Variants in HSF2BP observed in about 807,000 individuals in gnomAD.
The protein encoded by HSF2BP is heat shock transcription factor 2 binding protein.
In HSF2BP, 35 loss-of-function variants were observed where a neutral mutation model predicts 35.0. The observed-to-expected ratio is 1.00, with a 90% confidence interval of 0.76 to 1.32. HSF2BP has a LOEUF of 1.32. Among genes scored for constraint, HSF2BP ranks in the 40% most tolerant of loss-of-function variants. The probability of loss-of-function intolerance (pLI) is 0.00; values close to 1 mark genes in which losing one functional copy is unlikely to be tolerated. For synonymous variants in HSF2BP, 114 were observed against 117.4 expected (o/e 0.97, Z 0.18); for missense variants, 326 against 321.7 (o/e 1.01, Z -0.10).
In HSF2BP at chr21:43,613,889, C is replaced by T. The variant is rs199828722; in HGVS notation, c.633G>A (p.Leu211=). 6.2e-6 allele frequency: 10 copies of T among 1,612,264 alleles called. No homozygotes were observed. Among genetic ancestry groups the T allele is most frequent in the Non-Finnish European group, 8.5e-6 (10 of 1,179,684 alleles). ...CTCCCAGAAGCTGCAATATGGTGTC[C>T]AAGAGCACCCGGCTTGAATTAACCA... ...EFLVNSSRVL[L]DTILQLLGDL... Residue 211 remains leucine, a synonymous_variant, in exon 7 of 9, where the codon TTG becomes TTA. Coordinates refer to ENST00000291560, the MANE Select transcript of HSF2BP (RefSeq NM_007031.2).
Position 43,632,687 on chromosome 21 carries a change from T to G in HSF2BP, c.441+585A>C, listed in dbSNP as rs183484009. Among the ~76,000 whole-genome samples, 10 of 152,220 alleles carry G rather than the reference T, an allele frequency of 6.6e-5. No homozygotes were observed. The East Asian group carries it at 1.9e-3, about 29-fold the overall frequency. ...CCTCCTCCTCTTCAGCCTACTCAAT[T>G]TGAAGATGATGAGGGGGAAGACCTT... On this transcript the variant is annotated intron_variant, in intron 5 of 8. Coordinates refer to ENST00000291560, the MANE Select transcript of HSF2BP (RefSeq NM_007031.2).
At chr21:43,655,705 G>C (rs778261690) in intron 3 of HSF2BP, among the ~76,000 whole-genome samples, 5 of 152,174 alleles carry the variant, frequency 3.3e-5, no homozygotes, top group Non-Finnish European at 5.9e-5. Flanking sequence ...CATCTGTAGG[G>C]ATCTACCTCC....
intron 7 of HSF2BP, among the ~76,000 whole-genome samples, chr21:43,604,338 A>C (rs1360615531): frequency 7.8e-6 from 1 of 128,422 alleles, no homozygotes. Flanking sequence ...ACACACACAC[A>C]TCACGCACAC....
intron 4 of HSF2BP, among the ~76,000 whole-genome samples, chr21:43,642,679 T>C (rs2147074119): frequency 6.6e-6 from 1 of 152,194 alleles, no homozygotes; most frequent in East Asian, 1.9e-4. Context: ...TTGGGTAAAA[T>C]ATTCCCACAT....
chr21:43,640,653 T>G (rs2082623546), intron 4 of HSF2BP, among the ~76,000 whole-genome samples: 1 of 152,240 alleles, frequency 6.6e-6, no homozygotes, highest in Admixed American at 6.5e-5. Flanking sequence ...TATCTTCTAC[T>G]ATAGTTACGC....
intron 7 of HSF2BP, among the ~76,000 whole-genome samples, chr21:43,604,483 TAC>T (rs142684476): frequency 0.59 from 62,696 of 106,504 alleles, 16,062 homozygotes; most frequent in East Asian, 0.73. Context: ...ACGCACACCA[TAC>T]ACACACACAC....
At chr21:43,641,589 C>T (rs2082637312) in intron 4 of HSF2BP, among the ~76,000 whole-genome samples, 1 of 152,116 alleles carries the variant, frequency 6.6e-6, no homozygotes, top group South Asian at 2.1e-4. Context: ...TTGTTTCTGA[C>T]CTTTTCTTAC....
chr21:43,573,385 T>C (rs1332024657), intron 8 of HSF2BP, among the ~76,000 whole-genome samples: 2 of 152,158 alleles, frequency 1.3e-5, no homozygotes. Context: ...CTGTCAACAA[T>C]GCTACCATCT....
rs549240593 is a variant in HSF2BP at position 43,604,339 on chromosome 21, T to C, written c.692+9491A>G. On this transcript the variant is annotated intron_variant, in intron 7 of 8. Transcript: ENST00000291560. ...CACAAACACACCACACACACACACA[T>C]CACGCACACACCACACACACACCAC... 1.7e-3 allele frequency among the ~76,000 whole-genome samples: 133 copies of C among 79,326 alleles called. 1 individual carries two copies. The highest frequency in any genetic ancestry group is 0.014 in the Middle Eastern group (1 of 70). 52.0% of individuals were successfully genotyped at this position (79,326 alleles called of 152,430 possible). A position where few individuals can be genotyped will look rare whatever the true frequency, so the allele number is the denominator to read the frequency against.
chr21:43,644,518 C>T (rs1378508181), intron 3 of HSF2BP, 126 bp from the exon 4 acceptor site: 1 of 686,970 alleles, frequency 1.5e-6, no homozygotes, highest in Non-Finnish European at 2.5e-6. Context: ...ATTTGCATTT[C>T]TTGACTTCTA....
intron 3 of HSF2BP, among the ~76,000 whole-genome samples, chr21:43,652,063 C>T (rs1324781563): frequency 6.6e-6 from 1 of 152,244 alleles, no homozygotes; most frequent in Admixed American, 6.5e-5. Flanking sequence ...CAGGTCTACT[C>T]CTTCCCTGCC....
At chr21:43,639,886 T>C (rs2082613315) in intron 4 of HSF2BP, among the ~76,000 whole-genome samples, 1 of 152,208 alleles carries the variant, frequency 6.6e-6, no homozygotes, top group African/African-American at 2.4e-5. Context: ...TAAGAACTAT[T>C]CAAACTTCTT....
chr21:43,656,574 A>G lies in HSF2BP; in HGVS notation c.187+13T>C, dbSNP rs2082871349. ...ACTGTTACCACCAATGACTGCTGAAAATGAAGACTCACTTTTTTCTACAAT... is the reference window on the plus strand; with the variant it reads ...ACTGTTACCACCAATGACTGCTGAAGATGAAGACTCACTTTTTTCTACAAT... On this transcript the variant is annotated intron_variant, in intron 3 of 8. Transcript: ENST00000291560. 6.2e-7 allele frequency: 1 copy of G among 1,604,524 alleles called. No homozygotes were observed. Among genetic ancestry groups the G allele is most frequent in the Non-Finnish European group, 8.5e-7 (1 of 1,177,080 alleles).
At position 43,656,506 on chromosome 21, in the gene HSF2BP, C is replaced by T. The variant is rs140803211; in HGVS notation, c.187+81G>A. The stretch of plus-strand genomic sequence containing the variant: ...AGGACTGTAAGAGTACCTTAAAATT[C>T]GTTTACAATTATTTACCTAGGGTAA... On this transcript the variant is annotated intron_variant, in intron 3 of 8. Transcript: ENST00000291560. 4,080 of 1,331,240 alleles carry T rather than the reference C, an allele frequency of 3.1e-3. 11 individuals are homozygous for T. The highest frequency in any genetic ancestry group is 3.8e-3 in the South Asian group (276 of 72,740). 82.5% of individuals were successfully genotyped at this position (1,331,240 alleles called of 1,614,324 possible). A position where few individuals can be genotyped will look rare whatever the true frequency, so the allele number is the denominator to read the frequency against.
chr21:43,574,915 C>A (rs1456155806), intron 8 of HSF2BP, among the ~76,000 whole-genome samples: 3 of 152,200 alleles, frequency 2.0e-5, no homozygotes. Context: ...CAGCACGAGC[C>A]ATGGCAGACA....
intron 5 of HSF2BP, among the ~76,000 whole-genome samples, chr21:43,631,095 TA>T (rs1156486180): frequency 6.6e-6 from 1 of 152,230 alleles, no homozygotes; most frequent in Non-Finnish European, 1.5e-5. Flanking sequence ...AATGCAACTC[TA>T]AAAATTTGCT....
In HSF2BP at chr21:43,658,129, C is replaced by A; in HGVS notation, c.-33G>T. 6.6e-7 allele frequency: 1 copy of A among 1,511,554 alleles called. No homozygotes were observed. Among genetic ancestry groups the A allele is most frequent in the Admixed American group, 2.1e-5 (1 of 47,118 alleles). The allele number at this position is 1,511,554 out of a possible 1,614,324, so 93.6% of individuals were successfully genotyped here. A position where few individuals can be genotyped will look rare whatever the true frequency, so the allele number is the denominator to read the frequency against. On this transcript the variant is annotated 5_prime_UTR_variant, in exon 2 of 9. Coordinates refer to ENST00000291560, the MANE Select transcript of HSF2BP (RefSeq NM_007031.2). Reference sequence around the variant, plus strand: ...GCCGCCTCCGCTCCGTTCGCCTGAGCGTCGGCGCGCCCTCTGACCCCTCAC... The same window carrying A: ...GCCGCCTCCGCTCCGTTCGCCTGAGAGTCGGCGCGCCCTCTGACCCCTCAC...
chr21:43,578,646 CACAGGTGATAACCTT>C lies in HSF2BP; in HGVS notation c.796+13564_796+13578del, dbSNP rs2081677988. ...ATGGATGGCTCTGTGTTGCACAACA[CACAGGTGATAACCTT>C]AGCATGCTGTCACTGACACAACTAT... On this transcript the variant is annotated intron_variant, in intron 8 of 8. Transcript: ENST00000291560. 5.3e-5 allele frequency among the ~76,000 whole-genome samples: 8 copies of C among 152,332 alleles called. No individual in the cohort carries two copies. The South Asian group carries it at 1.7e-3, about 32-fold the overall frequency.
intron 7 of HSF2BP, among the ~76,000 whole-genome samples, chr21:43,596,413 G>C (rs1373503652): frequency 1.3e-5 from 2 of 149,656 alleles, no homozygotes; most frequent in Non-Finnish European, 3.0e-5. Flanking sequence ...CACACACACA[G>C]CCTTTAATAC....
Sources: allele counts gnomAD v4.1 joint callset (sites outside exome capture counted in the v4.1 genomes callset), GRCh38; gene constraint gnomAD v4.1.1; transcripts MANE v1.5; gene names NCBI Gene and HGNC (gene_info 2026-07-23, HGNC 2026-07-21).